The following CCDC7 variants were observed in gnomAD, a reference collection of about 807,000 sequenced individuals.
CCDC7 encodes the protein coiled-coil domain containing 7.
In CCDC7, 183 loss-of-function variants were observed where a neutral mutation model predicts 196.9. The ratio of observed to expected loss-of-function variants is 0.93; its 90% CI spans 0.82 to 1.05. CCDC7 has a LOEUF of 1.05. CCDC7 is among the 50% of genes least tolerant of loss of function. The pLI is 0.00. For synonymous variants in CCDC7, 525 were observed against 484.6 expected, an observed-to-expected ratio of 1.08 and a Z score of -1.10; for missense variants, 1,540 against 1,482.2, an observed-to-expected ratio of 1.04 and a Z score of -0.64.
chr10:32,716,513 ACAT>A (rs1020214084), intron 25 of CCDC7, among the ~76,000 whole-genome samples: 23 of 152,348 alleles, frequency 1.5e-4, no homozygotes, highest in Admixed American at 5.2e-4. Context: ...TAGCCAGTTA[ACAT>A]CATGATGACA....
At position 32,699,962 on chromosome 10, in the gene CCDC7, T is replaced by A. The variant is rs4615925; in HGVS notation, c.2458+4970T>A. ...GTAGATTCTGGATATTAGCCCTTTG[T>A]CAGATGAGTAGATTGCAAAAATTTT... On this transcript the variant is annotated intron_variant, in intron 24 of 41. Transcript: ENST00000639629. 8.1e-3 allele frequency among the ~76,000 whole-genome samples: 1,215 copies of A among 149,610 alleles called. 26 individuals are homozygous for A. Among genetic ancestry groups the A allele is most frequent in the Middle Eastern group, 0.024 (7 of 294 alleles).
At chr10:32,492,128 C>A (rs1043184594) in intron 9 of CCDC7, 131 bp downstream of exon 10, 3 of 887,790 alleles carry the variant, frequency 3.4e-6, no homozygotes, top group South Asian at 7.5e-5. Flanking sequence ...ATATTGAAAA[C>A]ATAAAGAAGA....
intron 8 of CCDC7, among the ~76,000 whole-genome samples, chr10:32,482,476 T>C (rs1412628962): frequency 2.0e-5 from 3 of 152,102 alleles, no homozygotes; most frequent in Non-Finnish European, 2.9e-5. Flanking sequence ...ATTTTAATTT[T>C]ATTATATTCT....
At chr10:32,483,867 A>T (rs1258050649) in intron 8 of CCDC7, among the ~76,000 whole-genome samples, 1 of 152,070 alleles carries the variant, frequency 6.6e-6, no homozygotes. Flanking sequence ...CTCTGTTTTG[A>T]TACCAGTACC....
At chr10:32,445,792 A>C (rs1349074895), upstream of CCDC7, among the ~76,000 whole-genome samples, 1 of 152,178 alleles carries the variant, frequency 6.6e-6, no homozygotes, top group Non-Finnish European at 1.5e-5. Flanking sequence ...CAATACACTG[A>C]AAAGAGCTTG....
chr10:32,573,080 G>T (rs1394997458), intron 16 of CCDC7, among the ~76,000 whole-genome samples: 2 of 151,818 alleles, frequency 1.3e-5, no homozygotes, highest in Non-Finnish European at 2.9e-5. Flanking sequence ...GTTTCGCCAT[G>T]TTGGCCAGGC....
chr10:32,710,344 A>T (rs901906930), intron 24 of CCDC7, among the ~76,000 whole-genome samples: 2 of 152,192 alleles, frequency 1.3e-5, no homozygotes, highest in Non-Finnish European at 2.9e-5. Flanking sequence ...GTACCTCTTT[A>T]GAACTAAGAG....
Position 32,633,696 on chromosome 10 carries a change from A to ATATGTGTGTGTG in CCDC7, c.1802-557_1802-556insATGTGTGTGTGT, listed in dbSNP as rs779341941. Among the ~76,000 whole-genome samples the ATATGTGTGTGTG allele has an allele frequency of 4.4e-5, 6 of 135,230 alleles. No individual in the cohort carries two copies. The East Asian group carries it at 9.0e-4, about 20-fold the overall frequency. 88.7% of individuals were successfully genotyped at this position (135,230 alleles called of 152,430 possible). A position where few individuals can be genotyped will look rare whatever the true frequency, so the allele number is the denominator to read the frequency against. Reference sequence around the variant, plus strand: ...TTTAGCTTTGTGTATATATATATATATGTGTGTGTGTGTGTGTGTGTGTGT... The same window carrying ATATGTGTGTGTG: ...TTTAGCTTTGTGTATATATATATATATATGTGTGTGTGTGTGTGTGTGTGTGTGTGTGTGTGT... On this transcript the variant is annotated intron_variant, in intron 18 of 41. Coordinates refer to ENST00000639629, the Ensembl canonical transcript of CCDC7.
chr10:32,455,850 C>A (rs2034214033), intron 2 of CCDC7, among the ~76,000 whole-genome samples: 1 of 152,108 alleles, frequency 6.6e-6, no homozygotes, highest in East Asian at 1.9e-4. Flanking sequence ...CAGTTCATGG[C>A]AATTATACAG....
intron 31 of CCDC7, among the ~76,000 whole-genome samples, chr10:32,821,579 T>C (rs1193863068): frequency 1.3e-5 from 2 of 152,144 alleles, no homozygotes; most frequent in Admixed American, 6.5e-5. Flanking sequence ...CCAACAATGA[T>C]AGACTGGATT....
intron 28 of CCDC7, among the ~76,000 whole-genome samples, chr10:32,776,715 A>G (rs1022058124): frequency 8.5e-5 from 13 of 152,232 alleles, no homozygotes; most frequent in African/African-American, 2.9e-4. Flanking sequence ...GCTATTTTGT[A>G]TGAATTTGAA....
intron 32 of CCDC7, among the ~76,000 whole-genome samples, chr10:32,826,124 T>G (rs2091070177): frequency 6.6e-6 from 1 of 152,162 alleles, no homozygotes; most frequent in South Asian, 2.1e-4. Context: ...ATGTTTATTC[T>G]CCTCAGGAAC....
chr10:32,637,808 A>T (rs939227778), intron 20 of CCDC7, among the ~76,000 whole-genome samples: 2 of 152,124 alleles, frequency 1.3e-5, no homozygotes, highest in Non-Finnish European at 2.9e-5. Flanking sequence ...TGAATCTATA[A>T]ATTACCTTGG....
chr10:32,443,834 T>A (rs1433492683), upstream of CCDC7, among the ~76,000 whole-genome samples: 1 of 152,216 alleles, frequency 6.6e-6, no homozygotes, highest in Non-Finnish European at 1.5e-5. Context: ...GAAAATAATC[T>A]TCTTGGATTT....
chr10:32,806,270 C>A (rs1189344884), intron 30 of CCDC7, among the ~76,000 whole-genome samples: 1 of 151,954 alleles, frequency 6.6e-6, no homozygotes, highest in African/African-American at 2.4e-5. Context: ...GGAAAAGAAT[C>A]AAAATTAAGA....
At chr10:32,616,118 G>A (rs1034349971) in intron 18 of CCDC7, among the ~76,000 whole-genome samples, 4 of 151,742 alleles carry the variant, frequency 2.6e-5, no homozygotes, top group Non-Finnish European at 5.9e-5. Flanking sequence ...GTTCTTTTTT[G>A]CTTAAGATTG....
In CCDC7 at chr10:32,823,148, C is replaced by CT. The variant is rs61638737; in HGVS notation, c.3182-1358dup. On this transcript the variant is annotated intron_variant, in intron 31 of 41. Transcript: ENST00000639629. ...AAAACTCGTTTTGTCCAATATGATG[C>CT]TTTTTTTTTTTTGAGATGGTGTCTT... Among the ~76,000 whole-genome samples, 887 of 143,450 alleles carry CT rather than the reference C, an allele frequency of 6.2e-3. 5 individuals are homozygous for CT. The highest frequency in any genetic ancestry group is 0.016 in the African/African-American group (638 of 39,522). 94.1% of individuals were successfully genotyped at this position (143,450 alleles called of 152,430 possible). A position where few individuals can be genotyped will look rare whatever the true frequency, so the allele number is the denominator to read the frequency against.
intron 28 of CCDC7, among the ~76,000 whole-genome samples, chr10:32,747,904 C>T (rs935542372): frequency 2.0e-5 from 3 of 152,202 alleles, no homozygotes; most frequent in Admixed American, 1.3e-4. Context: ...CATAAAGACA[C>T]ATGCATGTGC....
intron 13 of CCDC7, among the ~76,000 whole-genome samples, chr10:32,563,007 T>C (rs1435503510): frequency 6.6e-6 from 1 of 151,698 alleles, no homozygotes; most frequent in Non-Finnish European, 1.5e-5. Context: ...TATACACCAA[T>C]GACAGACAGA....
Sources: allele counts gnomAD v4.1 joint callset (sites outside exome capture counted in the v4.1 genomes callset), GRCh38; gene constraint gnomAD v4.1.1; transcripts MANE v1.5; gene names NCBI Gene and HGNC (gene_info 2026-07-23, HGNC 2026-07-21).